GATA4: variants seen among roughly 807,000 people sequenced by gnomAD.
GATA4 encodes the protein transcription factor GATA-4.
In GATA4, 7 loss-of-function variants were observed where a neutral mutation model predicts 37.9. The observed-to-expected ratio is 0.18, with a 90% CI of 0.11 to 0.35. The LOEUF is 0.35. Among genes scored for constraint, GATA4 ranks in the 10% least tolerant of loss-of-function variants. GATA4 has a pLI of 1.00. For synonymous variants in GATA4, 372 were observed against 292.6 expected, an observed-to-expected ratio of 1.27 and a Z score of -2.77; for missense variants, 647 against 653.0, an observed-to-expected ratio of 0.99 and a Z score of 0.10.
At chr8:11,700,321 A>C (rs1171379438), upstream of GATA4, among the ~76,000 whole-genome samples, 1 of 152,252 alleles carries the variant, frequency 6.6e-6, no homozygotes, top group Non-Finnish European at 1.5e-5. Context: ...ACCATTAACA[A>C]GGATTGCTCC....
Position 11,749,176 on chromosome 8 carries a change from G to C in GATA4, c.786+91G>C, listed in dbSNP as rs929523320. The stretch of plus-strand genomic sequence containing the variant: ...CCTCTGGTTTTGAATTTTGGAACTT[G>C]AGGGTGTGCATCGGGGATTACGTGG... On this transcript the variant is annotated intron_variant, in intron 3 of 6. Transcript: ENST00000532059. The surrounding 1 kb of genome is among the most constrained non-coding windows in gnomAD (Gnocchi z 4.6). The C allele has an allele frequency of 1.5e-6, 2 of 1,338,484 alleles. No homozygotes were observed. The highest frequency in any genetic ancestry group is 2.1e-6 in the Non-Finnish European group (2 of 955,558). 82.9% of individuals were successfully genotyped at this position (1,338,484 alleles called of 1,614,324 possible). A position where few individuals can be genotyped will look rare whatever the true frequency, so the allele number is the denominator to read the frequency against.
chr8:11,692,817 A>C (rs1799363278), intron 1 of GATA4: 1 of 981,738 alleles, frequency 1.0e-6, no homozygotes, highest in Non-Finnish European at 1.2e-6. Flanking sequence ...AGCGGGCGCC[A>C]GGCCGGGCAG....
rs1177406782 is a variant in GATA4 at position 11,681,504 on chromosome 8, GGGGGA to G, written c.-274+4442_-274+4446del. The G allele has an allele frequency of 2.5e-5, 23 of 914,580 alleles. No homozygotes were observed. The African/African-American group carries it at 4.7e-4, about 18-fold the overall frequency. The allele number at this position is 914,580 out of a possible 1,614,324, so 56.7% of individuals were successfully genotyped here. ...GGTGCGGCGCTCGCGGGGGGGGGGG[GGGGGA>G]TGGGGTCGGTCCCTCTCGGGAACGG... On this transcript the variant is annotated intron_variant, in intron 1 of 6. Transcript: ENST00000528712.
intron 2 of GATA4, among the ~76,000 whole-genome samples, chr8:11,717,199 A>T (rs1800471672): frequency 6.6e-6 from 1 of 152,222 alleles, no homozygotes. Context: ...CCTTCTAAAG[A>T]AGGCAGGGAA....
At chr8:11,737,910 G>C (rs1337961514) in intron 2 of GATA4, among the ~76,000 whole-genome samples, 1 of 152,156 alleles carries the variant, frequency 6.6e-6, no homozygotes, top group Non-Finnish European at 1.5e-5. Context: ...GACAGCTATG[G>C]TGGCGCACGC....
intron 1 of GATA4, among the ~76,000 whole-genome samples, chr8:11,704,742 C>T (rs1428508181): frequency 6.6e-6 from 1 of 152,244 alleles, no homozygotes; most frequent in Non-Finnish European, 1.5e-5. Context: ...ACCAGCGACT[C>T]CGGGGACGCA....
At chr8:11,684,096 A>G (rs1799063844) in intron 1 of GATA4, among the ~76,000 whole-genome samples, 1 of 152,200 alleles carries the variant, frequency 6.6e-6, no homozygotes, top group South Asian at 2.1e-4. Flanking sequence ...GGGCTGTGCC[A>G]TGGCTCCCTT....
intron 1 of GATA4, chr8:11,698,031 G>T (rs189997952): frequency 1.0e-6 from 1 of 984,546 alleles, no homozygotes; most frequent in Admixed American, 6.1e-5. Context: ...TGGACTCTGG[G>T]TTGACCTCGT....
At chr8:11,701,916 TC>T (rs1437854694), upstream of GATA4, among the ~76,000 whole-genome samples, 2 of 152,050 alleles carry the variant, frequency 1.3e-5, no homozygotes, top group African/African-American at 4.8e-5. Flanking sequence ...GCTCAGGTAA[TC>T]TGGGGTTCCT....
At chr8:11,691,414 C>T (rs1488957892), upstream of GATA4, among the ~76,000 whole-genome samples, 1 of 152,186 alleles carries the variant, frequency 6.6e-6, no homozygotes, top group Non-Finnish European at 1.5e-5. Flanking sequence ...GATCTTCCCA[C>T]CTCAGTCCTC....
intron 6 of GATA4, 83 bp downstream of exon 6, chr8:11,757,166 G>T (rs1351105791): frequency 5.1e-6 from 8 of 1,567,788 alleles, no homozygotes; most frequent in East Asian, 4.6e-5. Flanking sequence ...TACTGGGTGG[G>T]ACTTGCAGCC....
At chr8:11,737,399 C>T (rs553995872) in intron 2 of GATA4, among the ~76,000 whole-genome samples, 1 of 152,372 alleles carries the variant, frequency 6.6e-6, no homozygotes. Flanking sequence ...GACCCATTGT[C>T]TCGGTCCCTG....
intron 2 of GATA4, among the ~76,000 whole-genome samples, chr8:11,723,769 G>A (rs535197063): frequency 3.9e-5 from 6 of 152,248 alleles, no homozygotes; most frequent in African/African-American, 1.4e-4. Context: ...AGGGCTAAAA[G>A]GCTTTTACTT....
intron 5 of GATA4, among the ~76,000 whole-genome samples, chr8:11,755,931 A>T (rs1802540167): frequency 6.6e-6 from 1 of 150,844 alleles, no homozygotes; most frequent in Non-Finnish European, 1.5e-5. Flanking sequence ...AAAGAAATAC[A>T]TTTAAAAAGA....
chr8:11,728,141 C>A (rs1197898943), intron 2 of GATA4, among the ~76,000 whole-genome samples: 1 of 152,150 alleles, frequency 6.6e-6, no homozygotes, highest in Non-Finnish European at 1.5e-5. Flanking sequence ...CAGGCGCCTA[C>A]CACCACACCA....
chr8:11,730,525 A>G (rs1801154744), intron 2 of GATA4, among the ~76,000 whole-genome samples: 1 of 152,192 alleles, frequency 6.6e-6, no homozygotes, highest in African/African-American at 2.4e-5. Context: ...AGGAGCTGGG[A>G]GCTTTGTCTG....
At chr8:11,694,168 C>T (rs2129992435) in intron 1 of GATA4, among the ~76,000 whole-genome samples, 1 of 152,256 alleles carries the variant, frequency 6.6e-6, no homozygotes, top group South Asian at 2.1e-4. Flanking sequence ...TGTGTTCATC[C>T]TTGTATCTAC....
At chr8:11,678,210 C>G (rs1798844327) in intron 1 of GATA4, among the ~76,000 whole-genome samples, 2 of 152,048 alleles carry the variant, frequency 1.3e-5, no homozygotes, top group Non-Finnish European at 2.9e-5. Flanking sequence ...TTTGTTCACT[C>G]TGTAGCCTCA....
intron 2 of GATA4, among the ~76,000 whole-genome samples, chr8:11,745,721 T>G (rs1362172726): frequency 6.6e-6 from 1 of 152,208 alleles, no homozygotes; most frequent in Non-Finnish European, 1.5e-5. Context: ...TGAGATGTTT[T>G]TCACTTAAAT....
Sources: allele counts gnomAD v4.1 joint callset (sites outside exome capture counted in the v4.1 genomes callset), GRCh38; gene constraint gnomAD v4.1.1; non-coding constraint Gnocchi (gnomAD v3.1); transcripts MANE v1.5; gene names NCBI Gene and HGNC (gene_info 2026-07-23, HGNC 2026-07-21).